The following BICD1 variants were observed in gnomAD, a reference collection of about 807,000 sequenced individuals.
The protein encoded by BICD1 is protein bicaudal D homolog 1.
In BICD1, 35 loss-of-function variants were observed where a neutral mutation model predicts 92.5. That is an observed-to-expected ratio of 0.38 (90% CI 0.29 to 0.50). The LOEUF (loss-of-function observed/expected upper bound fraction) is 0.50. Ranked by LOEUF, BICD1 falls within the 20% of genes least tolerant of loss-of-function variation. BICD1 has a pLI of 0.93. For missense variants in BICD1, 950 were observed against 1,189.8 expected (o/e 0.80, Z 2.97); for synonymous variants, 429 against 465.1 (o/e 0.92, Z 1.00).
rs534368370 is a variant in BICD1, at chr12:32,199,965, C to T, written c.214-16282C>T. Among the ~76,000 whole-genome samples the T allele has an allele frequency of 7.9e-5, 12 of 152,240 alleles. No homozygotes were observed. In the East Asian group the frequency reaches 2.1e-3, roughly 27 times the overall value. On this transcript the variant is annotated intron_variant, in intron 1 of 9. Coordinates refer to ENST00000652176, the MANE Select transcript of BICD1 (RefSeq NM_001714.4). ...TGGTGGGCTTTCGTTACATTCCAGC[C>T]TTTGTATAAGGGCACTGGCTTTTTT...
intron 2 of BICD1, among the ~76,000 whole-genome samples, chr12:32,290,307 A>G (rs1377472433): frequency 6.6e-6 from 1 of 152,180 alleles, no homozygotes; most frequent in Non-Finnish European, 1.5e-5. Context: ...AACTCCTTAC[A>G]AGCTAGCCAG....
chr12:32,170,375 A>G (rs1314530330), intron 1 of BICD1, among the ~76,000 whole-genome samples: 1 of 152,242 alleles, frequency 6.6e-6, no homozygotes, highest in East Asian at 1.9e-4. Flanking sequence ...TATACATTCA[A>G]TAAATAAAAT....
chr12:32,366,267 G>A (rs1441840055), intron 8 of BICD1, among the ~76,000 whole-genome samples: 2 of 152,196 alleles, frequency 1.3e-5, no homozygotes, highest in East Asian at 1.9e-4. Context: ...TATCAGTAGA[G>A]CCTCGTTAAG....
intron 2 of BICD1, among the ~76,000 whole-genome samples, chr12:32,243,477 A>G (rs1946293388): frequency 6.6e-6 from 1 of 152,028 alleles, no homozygotes; most frequent in African/African-American, 2.4e-5. Flanking sequence ...CAGAAATATA[A>G]TTAAAAATAA....
chr12:32,140,109 A>G (rs1942863134), intron 1 of BICD1, among the ~76,000 whole-genome samples: 1 of 152,132 alleles, frequency 6.6e-6, no homozygotes. Context: ...CTGGAGAAGT[A>G]CCACTGCCTT....
intron 1 of BICD1, among the ~76,000 whole-genome samples, chr12:32,152,401 A>T (rs761780611): frequency 1.3e-5 from 2 of 151,762 alleles, no homozygotes; most frequent in African/African-American, 2.4e-5. Context: ...GGTGCATGCC[A>T]CCATGCTCAG....
intron 2 of BICD1, among the ~76,000 whole-genome samples, chr12:32,230,609 C>T (rs1158784263): frequency 6.6e-6 from 1 of 151,966 alleles, no homozygotes; most frequent in Non-Finnish European, 1.5e-5. Flanking sequence ...TGCTGGATAG[C>T]GGATGATAGA....
intron 8 of BICD1, among the ~76,000 whole-genome samples, chr12:32,346,492 G>A (rs1938570575): frequency 7.2e-6 from 1 of 138,334 alleles, no homozygotes; most frequent in Non-Finnish European, 1.6e-5. Context: ...TTTCCAGCCT[G>A]GGTGACAGAG....
intron 2 of BICD1, among the ~76,000 whole-genome samples, chr12:32,230,918 T>C (rs1299739540): frequency 6.6e-6 from 1 of 152,210 alleles, no homozygotes; most frequent in Non-Finnish European, 1.5e-5. Flanking sequence ...AACCAGTGAA[T>C]ATTGATTGGT....
Position 32,293,987 on chromosome 12 carries a change from G to T in BICD1, c.427-7G>T. 6.2e-7 allele frequency: 1 copy of T among 1,611,692 alleles called. No homozygotes were observed. Among genetic ancestry groups the T allele is most frequent in the Non-Finnish European group, 8.5e-7 (1 of 1,179,342 alleles). ...TTATATATTGACTGTTTACTCTGTT[G>T]TTTCAGAACAATGAGATGGTGGAGC... On this transcript the variant is annotated splice_region_variant and splice_polypyrimidine_tract_variant and intron_variant, in intron 2 of 9. Coordinates refer to ENST00000652176, the MANE Select transcript of BICD1 (RefSeq NM_001714.4).
chr12:32,284,374 A>G (rs1315825249), intron 2 of BICD1, among the ~76,000 whole-genome samples: 1 of 152,088 alleles, frequency 6.6e-6, no homozygotes, highest in African/African-American at 2.4e-5. Context: ...TCTCACATTC[A>G]CTTTATTATA....
chr12:32,142,185 C>T (rs2121372197), intron 1 of BICD1, among the ~76,000 whole-genome samples: 1 of 152,028 alleles, frequency 6.6e-6, no homozygotes, highest in South Asian at 2.1e-4. Flanking sequence ...GTGGGCGGGT[C>T]ACTAGAGGTC....
chr12:32,199,912 G>A (rs866812359), intron 1 of BICD1, among the ~76,000 whole-genome samples: 1 of 151,986 alleles, frequency 6.6e-6, no homozygotes, highest in Non-Finnish European at 1.5e-5. Flanking sequence ...TATGCTTTAA[G>A]GCCCAGGAAA....
chr12:32,326,895 AAAC>A (rs1302026274), intron 4 of BICD1, among the ~76,000 whole-genome samples: 15 of 152,142 alleles, frequency 9.9e-5, no homozygotes, highest in Non-Finnish European at 5.9e-5. Context: ...AAAAAGATAA[AAAC>A]TATCAAATGT....
At chr12:32,365,923 A>G (rs1488538816) in intron 8 of BICD1, among the ~76,000 whole-genome samples, 2 of 152,212 alleles carry the variant, frequency 1.3e-5, no homozygotes, top group Non-Finnish European at 2.9e-5. Flanking sequence ...GATTTGTTAT[A>G]TTTGAAAGAT....
Position 32,107,444 on chromosome 12 carries a change from G to T in BICD1, c.113G>T (p.Gly38Val). ...GAGAAGATCCAGGCTGCCGAGTACGGGCTGGTGGTGCTGGAGGAGAAGCTG... is the reference window on the plus strand; with the variant it reads ...GAGAAGATCCAGGCTGCCGAGTACGTGCTGGTGGTGCTGGAGGAGAAGCTG... ...THEKIQAAEY[G>V]LVVLEEKLTL... Residue 38 changes from glycine to valine, a missense_variant, in exon 1 of 10, where the codon GGG becomes GTG. Gly to Val is a moderately radical substitution (Grantham distance 109, BLOSUM62 -3). Transcript: ENST00000652176. 1 of 1,611,920 alleles carries T rather than the reference G, an allele frequency of 6.2e-7. No individual in the cohort carries two copies. The highest frequency in any genetic ancestry group is 8.5e-7 in the Non-Finnish European group (1 of 1,179,234).
intron 8 of BICD1, 113 bp downstream of exon 8, chr12:32,339,092 G>A (rs1167489354): frequency 6.6e-6 from 9 of 1,368,218 alleles, no homozygotes; most frequent in African/African-American, 1.5e-5. Flanking sequence ...TTGATGATGT[G>A]TAAATTCCTA....
chr12:32,231,559 CTTTATTTATTTATTTATTTA>C (rs150346060), intron 2 of BICD1, among the ~76,000 whole-genome samples: 77 of 147,798 alleles, frequency 5.2e-4, no homozygotes, highest in East Asian at 1.0e-3. Flanking sequence ...TTTGTGACTG[CTTTATTTATTTATTTATTTA>C]TTTATTTATT....
intron 1 of BICD1, among the ~76,000 whole-genome samples, chr12:32,127,103 G>A (rs911307173): frequency 6.6e-6 from 1 of 151,954 alleles, no homozygotes; most frequent in African/African-American, 2.4e-5. Flanking sequence ...TAGTCCATGG[G>A]TTGTCTTTTT....
Sources: gnomAD v4.1 joint callset for allele counts (sites outside exome capture counted in the v4.1 genomes callset) on GRCh38, gnomAD v4.1.1 for gene constraint, MANE v1.5 for transcripts, NCBI Gene and HGNC (gene_info 2026-07-23, HGNC 2026-07-21) for gene names.